RP1: variants seen among roughly 807,000 people sequenced by gnomAD.
RP1 encodes the protein RP1 axonemal microtubule associated.
Under a neutral mutation model 14.8 loss-of-function variants are expected in RP1, and 16 were observed. The observed-to-expected ratio is 1.08, with a 90% CI of 0.73 to 1.65. RP1 has a LOEUF of 1.65. RP1 is among the 40% of genes most tolerant of loss of function. RP1 has a pLI of 0.00. For synonymous variants in RP1, 876 were observed against 883.6 expected (o/e 0.99, Z 0.15); for missense variants, 2,631 against 2,535.0 (o/e 1.04, Z -0.81).
intron 24 of RP1, among the ~76,000 whole-genome samples, chr8:54,819,993 GCT>G (rs1165810411): frequency 6.6e-6 from 1 of 152,100 alleles, no homozygotes; most frequent in Admixed American, 6.5e-5. Flanking sequence ...GGGCCCAATG[GCT>G]CTTAGTCAGC....
At chr8:54,653,005 A>G (rs1397148514) in intron 5 of RP1, 13 of 564,356 alleles carry the variant, frequency 2.3e-5, no homozygotes, top group African/African-American at 1.5e-4. Flanking sequence ...CAGAAGTATC[A>G]TATGCCCTTA....
At chr8:54,783,723 C>T in intron 24 of RP1, 8 of 1,225,472 alleles carry the variant, frequency 6.5e-6, no homozygotes, top group Non-Finnish European at 8.1e-6. Context: ...AAAAATGATA[C>T]AGCTATAACT....
At chr8:54,797,042 G>A (rs914849924) in intron 24 of RP1, among the ~76,000 whole-genome samples, 2 of 152,140 alleles carry the variant, frequency 1.3e-5, no homozygotes, top group Non-Finnish European at 2.9e-5. Context: ...TGAGAGGGAA[G>A]CAGGTATTAG....
chr8:54,759,116 C>T (rs1454888443), intron 22 of RP1: 4 of 1,499,612 alleles, frequency 2.7e-6, no homozygotes, highest in Admixed American at 2.0e-5. Context: ...GAGTATGCTG[C>T]ACTGTGGATG....
chr8:54,870,709 G>A (rs1246615192), exon 29 of RP1: 1 of 152,158 alleles, frequency 6.6e-6, no homozygotes, highest in Non-Finnish European at 1.5e-5. Flanking sequence ...AAACTCATTT[G>A]CCAGCCCCGG....
At chr8:54,652,866 G>C (rs1447531713) in exon 5 of RP1, 2 of 1,530,750 alleles carry the variant, frequency 1.3e-6, no homozygotes, top group African/African-American at 2.7e-5. Flanking sequence ...ACTGCAAGGA[G>C]GTAAGGATAT....
chr8:54,800,037 A>G (rs1411369943), intron 24 of RP1, among the ~76,000 whole-genome samples: 1 of 143,864 alleles, frequency 7.0e-6, no homozygotes, highest in African/African-American at 2.4e-5. Context: ...TGTTAGAAAT[A>G]CATTTCCTCA....
chr8:54,822,718 C>A (rs754290780), intron 24 of RP1, among the ~76,000 whole-genome samples: 4 of 152,160 alleles, frequency 2.6e-5, no homozygotes, highest in Non-Finnish European at 4.4e-5. Context: ...AGGTATTACA[C>A]CAAGTTGAGG....
chr8:54,663,911 A>G, intron 7 of RP1: 1 of 1,397,038 alleles, frequency 7.2e-7, no homozygotes, highest in Non-Finnish European at 9.4e-7. Context: ...ATAAAATAAG[A>G]TTTACTGTTG....
At chr8:54,607,344 G>C (rs1184960532) in intron 1 of RP1, among the ~76,000 whole-genome samples, 1 of 152,236 alleles carries the variant, frequency 6.6e-6, no homozygotes, top group Non-Finnish European at 1.5e-5. Context: ...CCGCAGCAGA[G>C]GCTACAGAAC....
rs1805987055 is a variant in RP1 at position 54,624,956 on chromosome 8, T to C, written c.1074T>C (p.Pro358=). ...CAACTACTGTCAGTAAAACTGGTCCTTCTAATAATGATGAAAAGAGTGAGA... is the reference window on the plus strand; with the variant it reads ...CAACTACTGTCAGTAAAACTGGTCCCTCTAATAATGATGAAAAGAGTGAGA... ...KWTTTVSKTG[P]SNNDEKSEMS... is the part of the protein sequence containing the mutation. Residue 358 remains proline (P), a synonymous_variant, in exon 4 of 4, where the codon CCT becomes CCC. Coordinates refer to ENST00000220676, the MANE Select transcript of RP1 (RefSeq NM_006269.2). 2 of 1,614,036 alleles carry C rather than the reference T, an allele frequency of 1.2e-6. No individual in the cohort carries two copies. The highest frequency in any genetic ancestry group is 1.3e-5 in the African/African-American group (1 of 74,924).
intron 27 of RP1, among the ~76,000 whole-genome samples, chr8:54,860,496 G>A (rs1157924660): frequency 6.6e-6 from 1 of 152,160 alleles, no homozygotes; most frequent in African/African-American, 2.4e-5. Flanking sequence ...AAAACATTTA[G>A]GAATTATCTG....
chr8:54,732,597 C>T (rs1447141148), intron 17 of RP1, among the ~76,000 whole-genome samples: 1 of 152,156 alleles, frequency 6.6e-6, no homozygotes, highest in East Asian at 1.9e-4. Flanking sequence ...GAATGATCGA[C>T]ATCCTAAAAT....
At chr8:54,731,420 T>C (rs144439079) in intron 17 of RP1, among the ~76,000 whole-genome samples, 2,155 of 152,282 alleles carry the variant, frequency 0.014, 22 homozygotes, top group Non-Finnish European at 0.022. Context: ...TTAGAGTATT[T>C]TAAACTTCTG....
At chr8:54,705,825 T>A (rs1433418091) in intron 14 of RP1, among the ~76,000 whole-genome samples, 1 of 151,924 alleles carries the variant, frequency 6.6e-6, no homozygotes, top group Non-Finnish European at 1.5e-5. Context: ...TTAGCTTTTT[T>A]TTTTTTTTGT....
intron 1 of RP1, among the ~76,000 whole-genome samples, chr8:54,568,594 C>T (rs950137936): frequency 3.3e-5 from 5 of 152,226 alleles, no homozygotes; most frequent in Non-Finnish European, 5.9e-5. Context: ...CTTCAGCTGA[C>T]ACCAACTTAC....
chr8:54,646,249 T>C (rs1184016075), intron 3 of RP1, among the ~76,000 whole-genome samples: 1 of 151,966 alleles, frequency 6.6e-6, no homozygotes, highest in Non-Finnish European at 1.5e-5. Flanking sequence ...TTTTCTTTTT[T>C]TTGGCTTCTT....
intron 25 of RP1, among the ~76,000 whole-genome samples, chr8:54,842,408 CATT>C (rs1489267467): frequency 6.6e-6 from 1 of 152,198 alleles, no homozygotes; most frequent in Non-Finnish European, 1.5e-5. Flanking sequence ...GGCTCTGAAT[CATT>C]ATTTCAGGAC....
At chr8:54,754,272 G>A (rs1299581509) in intron 19 of RP1, among the ~76,000 whole-genome samples, 2 of 151,822 alleles carry the variant, frequency 1.3e-5, no homozygotes, top group East Asian at 3.9e-4. Flanking sequence ...TTTTTTTCAA[G>A]TTCTGATGTA....
Sources: allele counts gnomAD v4.1 joint callset (sites outside exome capture counted in the v4.1 genomes callset), GRCh38; gene constraint gnomAD v4.1.1; transcripts MANE v1.5; gene names NCBI Gene and HGNC (gene_info 2026-07-23, HGNC 2026-07-21).